Variants in FOXN3 observed in about 807,000 individuals in gnomAD.
FOXN3 encodes the protein forkhead box N3.
In FOXN3, 7 loss-of-function variants were observed where a neutral mutation model predicts 38.4. That is an observed-to-expected ratio of 0.18 (90% CI 0.10 to 0.34). The LOEUF is 0.34. Among genes scored for constraint, FOXN3 ranks in the 10% least tolerant of loss-of-function variants. The probability of loss-of-function intolerance (pLI) is 1.00; values close to 1 mark genes in which losing one functional copy is unlikely to be tolerated. For missense variants in FOXN3, 456 were observed against 613.4 expected, an observed-to-expected ratio of 0.74 and a Z score of 2.71; for synonymous variants, 230 against 242.2, an observed-to-expected ratio of 0.95 and a Z score of 0.47.
rs188255247 is a variant in FOXN3 at position 89,614,452 on chromosome 14, A to C, written c.-15+4576T>G. On this transcript the variant is annotated intron_variant, in intron 1 of 6. Coordinates refer to the FOXN3 transcript ENST00000345097. Reference sequence around the variant, plus strand: ...CTTGTGGTCAGTCATCTTTTTCTGTATGTACGTAGGCTTCCTAGGGTACAC... The same window carrying C: ...CTTGTGGTCAGTCATCTTTTTCTGTCTGTACGTAGGCTTCCTAGGGTACAC... Among the ~76,000 whole-genome samples the C allele has an allele frequency of 1.5e-3, 222 of 152,212 alleles. 1 individual carries two copies. Among genetic ancestry groups the C allele is most frequent in the Non-Finnish European group, 2.6e-3 (180 of 68,012 alleles).
chr14:89,360,724 C>CCACCACCACCACCAG (rs1889465219), intron 2 of FOXN3, among the ~76,000 whole-genome samples: 1 of 134,714 alleles, frequency 7.4e-6, no homozygotes. Flanking sequence ...ACTACCTCCA[C>CCACCACCACCACCAG]CACCACCACC....
rs190103122 is a variant in FOXN3 at position 89,572,181 on chromosome 14, T to A, written c.-15+46847A>T. The stretch of plus-strand genomic sequence containing the variant: ...CCTTGAGATTGTTAAGATTCTGGAA[T>A]CACTAAAGTATACAGATCATACAGT... On this transcript the variant is annotated intron_variant, in intron 1 of 6. Transcript: ENST00000345097. Among the ~76,000 whole-genome samples the A allele has an allele frequency of 9.8e-4, 150 of 152,352 alleles. 1 individual carries two copies. The highest frequency in any genetic ancestry group is 3.5e-3 in the African/African-American group (144 of 41,586).
intron 4 of FOXN3, among the ~76,000 whole-genome samples, chr14:89,185,249 A>G (rs546771565): frequency 2.0e-5 from 3 of 152,294 alleles, no homozygotes; most frequent in Admixed American, 2.0e-4. Context: ...GCCAGCTGTG[A>G]CACTTAACTA....
intron 5 of FOXN3, among the ~76,000 whole-genome samples, chr14:89,173,018 G>A (rs576065984): frequency 6.6e-6 from 1 of 152,138 alleles, no homozygotes; most frequent in Non-Finnish European, 1.5e-5. Context: ...AATTGAAAGA[G>A]AGTGAAAAGA....
chr14:89,165,378 C>T (rs1257159670), intron 5 of FOXN3, among the ~76,000 whole-genome samples: 1 of 152,232 alleles, frequency 6.6e-6, no homozygotes, highest in Non-Finnish European at 1.5e-5. Flanking sequence ...GGTGCCTGAT[C>T]ATGTTTTTTA....
chr14:89,472,825 T>C (rs1893134102), intron 1 of FOXN3, among the ~76,000 whole-genome samples: 1 of 151,924 alleles, frequency 6.6e-6, no homozygotes, highest in African/African-American at 2.4e-5. Context: ...AATTATCAGA[T>C]GCCAGACTTC....
intron 1 of FOXN3, among the ~76,000 whole-genome samples, chr14:89,579,974 G>A (rs1895712920): frequency 6.8e-6 from 1 of 146,344 alleles, no homozygotes; most frequent in African/African-American, 2.5e-5. Flanking sequence ...CTAACTTTAT[G>A]AGATAGATTA....
At chr14:89,321,448 C>T (rs1049334603) in intron 3 of FOXN3, among the ~76,000 whole-genome samples, 1 of 151,780 alleles carries the variant, frequency 6.6e-6, no homozygotes, top group African/African-American at 2.4e-5. Context: ...CGATGGTAGG[C>T]GCTTGTAATC....
At chr14:89,334,582 C>T (rs1888383505) in intron 3 of FOXN3, among the ~76,000 whole-genome samples, 1 of 117,042 alleles carries the variant, frequency 8.5e-6, no homozygotes, top group African/African-American at 2.7e-5. Context: ...TGCACTCCAG[C>T]CTGGGTGAGA....
At chr14:89,229,073 A>C (rs1285444337) in intron 4 of FOXN3, among the ~76,000 whole-genome samples, 2 of 152,216 alleles carry the variant, frequency 1.3e-5, no homozygotes, top group South Asian at 4.1e-4. Context: ...CAGAACAACC[A>C]ATACAGCCCT....
chr14:89,550,762 T>C (rs1894988344), intron 1 of FOXN3, among the ~76,000 whole-genome samples: 1 of 152,212 alleles, frequency 6.6e-6, no homozygotes, highest in African/African-American at 2.4e-5. Flanking sequence ...ACAGAAATGG[T>C]ATAACTGTGA....
intron 3 of FOXN3, among the ~76,000 whole-genome samples, chr14:89,307,565 C>T (rs1182331951): frequency 6.6e-6 from 1 of 152,140 alleles, no homozygotes; most frequent in Non-Finnish European, 1.5e-5. Flanking sequence ...TCGTGAAAGT[C>T]GGAAACACCA....
chr14:89,500,942 A>G (rs1893785315), intron 1 of FOXN3, among the ~76,000 whole-genome samples: 1 of 152,190 alleles, frequency 6.6e-6, no homozygotes, highest in African/African-American at 2.4e-5. Flanking sequence ...ATCACAGTGA[A>G]GTTTGCTTTA....
In FOXN3 at chr14:89,506,187, G is replaced by A. The variant is rs1253954912; in HGVS notation, c.-14-93697C>T. On this transcript the variant is annotated intron_variant, in intron 1 of 6. Coordinates refer to the FOXN3 transcript ENST00000345097. ...CTCTGCCCGGCCAGCTGCCCCGTCC[G>A]GGCGGTGAGGGGCGCCTCTGCCCGG... Among the ~76,000 whole-genome samples the A allele has an allele frequency of 6.2e-3, 454 of 73,780 alleles. 66 individuals are homozygous for A. The highest frequency in any genetic ancestry group is 0.015 in the African/African-American group (433 of 29,214). The allele number at this position is 73,780 out of a possible 152,430, so 48.4% of individuals were successfully genotyped here. A position where few individuals can be genotyped will look rare whatever the true frequency, so the allele number is the denominator to read the frequency against.
intron 3 of FOXN3, among the ~76,000 whole-genome samples, chr14:89,333,749 T>TAAAAAAA (rs57491119): frequency 1.0e-4 from 6 of 57,254 alleles, no homozygotes; most frequent in African/African-American, 2.5e-4. Context: ...GAGAGACTAT[T>TAAAAAAA]AAAAAAAAAA....
intron 1 of FOXN3, among the ~76,000 whole-genome samples, chr14:89,603,421 T>C (rs971853125): frequency 6.6e-6 from 1 of 152,216 alleles, no homozygotes; most frequent in Non-Finnish European, 1.5e-5. Flanking sequence ...ACTAATATGT[T>C]GGAACTTAAA....
Position 89,386,888 on chromosome 14 carries a change from C to A in FOXN3, c.543+25046G>T, listed in dbSNP as rs529757906. Among the ~76,000 whole-genome samples, 20 of 152,260 alleles carry A rather than the reference C, an allele frequency of 1.3e-4. No homozygotes were observed. The South Asian group carries it at 4.1e-3, about 32-fold the overall frequency. ...TTCCTCCTCTTATAAGGCCACCAAT[C>A]CAATCAGATTAGGACCCCATCCGTA... On this transcript the variant is annotated intron_variant, in intron 2 of 5. Coordinates refer to ENST00000557258, the MANE Select transcript of FOXN3 (RefSeq NM_005197.4).
chr14:89,184,867 C>T (rs997539790), intron 4 of FOXN3, among the ~76,000 whole-genome samples: 1 of 152,234 alleles, frequency 6.6e-6, no homozygotes, highest in Non-Finnish European at 1.5e-5. Flanking sequence ...TAATGATCTA[C>T]AAGGATAGGG....
At chr14:89,537,439 TGTTG>T (rs1384371655) in intron 1 of FOXN3, among the ~76,000 whole-genome samples, 1 of 136,972 alleles carries the variant, frequency 7.3e-6, no homozygotes, top group Non-Finnish European at 1.6e-5. Context: ...TTCCATGAAA[TGTTG>T]GATGGATGGA....
Sources: allele counts gnomAD v4.1 joint callset (sites outside exome capture counted in the v4.1 genomes callset), GRCh38; gene constraint gnomAD v4.1.1; transcripts MANE v1.5; gene names NCBI Gene and HGNC (gene_info 2026-07-23, HGNC 2026-07-21).